POLE2: variants seen among roughly 807,000 people sequenced by gnomAD.
The protein encoded by POLE2 is DNA polymerase epsilon subunit 2.
POLE2 carries 56 observed loss-of-function variants against 79.4 expected under a neutral mutation model. The ratio of observed to expected loss-of-function variants is 0.71; its 90% CI spans 0.57 to 0.88. The LOEUF (loss-of-function observed/expected upper bound fraction) is 0.88, where lower values mean the gene tolerates loss of function less well. Among genes scored for constraint, POLE2 ranks in the 40% least tolerant of loss-of-function variants. The pLI, the probability that POLE2 is intolerant of heterozygous loss-of-function variation, is 0.00. For missense variants in POLE2, 598 were observed against 638.9 expected (o/e 0.94, Z 0.69); for synonymous variants, 212 against 214.0 (o/e 0.99, Z 0.08).
At position 49,652,044 on chromosome 14, in the gene POLE2, T is replaced by C. The variant is rs375092075; in HGVS notation, c.1212-667A>G. Among the ~76,000 whole-genome samples, 32 of 152,204 alleles carry C rather than the reference T, an allele frequency of 2.1e-4. No homozygotes were observed. In the East Asian group the frequency reaches 5.2e-3, roughly 25 times the overall value. On this transcript the variant is annotated intron_variant, in intron 15 of 18. Coordinates refer to ENST00000216367, the MANE Select transcript of POLE2 (RefSeq NM_002692.4). The stretch of plus-strand genomic sequence containing the variant: ...GATTACCACTGCAAGGATACGGCTG[T>C]CACTAAATCACGAGGGGTCCCTTTT...
At chr14:49,680,556 T>C (rs989028308) in intron 2 of POLE2, among the ~76,000 whole-genome samples, 1 of 152,214 alleles carries the variant, frequency 6.6e-6, no homozygotes, top group Non-Finnish European at 1.5e-5. Context: ...GTAAGACTGA[T>C]GTTAAGATGC....
chr14:49,666,264 G>A, intron 7 of POLE2, 66 bp downstream of exon 7: 1 of 801,448 alleles, frequency 1.2e-6, no homozygotes. Flanking sequence ...CTACAAAAAT[G>A]TTCTATGTAA....
At chr14:49,677,367 C>T (rs907746617) in intron 3 of POLE2, 2 of 504,554 alleles carry the variant, frequency 4.0e-6, no homozygotes, top group Non-Finnish European at 7.2e-6. Flanking sequence ...TCAGCTCCTG[C>T]TGGGTATCTA....
Position 49,654,049 on chromosome 14 carries a change from GC to G in POLE2, c.1151del (p.Ser384ThrfsTer36), listed in dbSNP as rs781735915. 2 of 1,602,746 alleles carry G rather than the reference GC, an allele frequency of 1.2e-6. No homozygotes were observed. Among genetic ancestry groups the G allele is most frequent in the African/African-American group, 2.7e-5 (2 of 74,706 alleles). On this transcript the variant is annotated frameshift_variant, in exon 15 of 19. Coordinates refer to ENST00000216367, the MANE Select transcript of POLE2 (RefSeq NM_002692.4). LOFTEE classifies it high-confidence loss of function. ...CCCTTTGTCTGAATTCATTAGTGATGCTTTCAGCAAGTGGTGGCCTATAAAA... is the reference window on the plus strand; with the variant it reads ...CCCTTTGTCTGAATTCATTAGTGATGTTTCAGCAAGTGGTGGCCTATAAAA... ...SILPRPPLAE[S>X]ITNEFRQRVP...
chr14:49,644,324 A>G (rs1278912160), intron 18 of POLE2, among the ~76,000 whole-genome samples: 1 of 151,128 alleles, frequency 6.6e-6, no homozygotes, highest in Non-Finnish European at 1.5e-5. Flanking sequence ...CAGCCTGACC[A>G]ACTTGGAGAA....
chr14:49,648,093 T>C (rs1883919531), intron 17 of POLE2, among the ~76,000 whole-genome samples: 1 of 152,222 alleles, frequency 6.6e-6, no homozygotes, highest in Admixed American at 6.6e-5. Context: ...TGCATTCCTA[T>C]GTACCTGTTT....
At chr14:49,672,177 C>T (rs888713218) in intron 5 of POLE2, among the ~76,000 whole-genome samples, 8 of 152,118 alleles carry the variant, frequency 5.3e-5, no homozygotes, top group South Asian at 2.1e-4. Flanking sequence ...ATTATGACTA[C>T]AGGAAAAGCA....
intron 17 of POLE2, among the ~76,000 whole-genome samples, chr14:49,649,287 G>A (rs1251030950): frequency 6.9e-6 from 1 of 144,494 alleles, no homozygotes; most frequent in Non-Finnish European, 1.5e-5. Context: ...GCTGGGACTA[G>A]AGGCGCCCGC....
intron 10 of POLE2, among the ~76,000 whole-genome samples, chr14:49,657,265 A>G (rs573685781): frequency 2.6e-5 from 4 of 152,296 alleles, no homozygotes; most frequent in East Asian, 3.9e-4. Flanking sequence ...AGTAATAGAA[A>G]ATGTTGATAG....
chr14:49,663,909 C>T (rs945763864), intron 9 of POLE2, among the ~76,000 whole-genome samples: 3 of 151,474 alleles, frequency 2.0e-5, no homozygotes, highest in African/African-American at 4.9e-5. Context: ...TAGTGGCAGG[C>T]GCCTGTAGTC....
intron 6 of POLE2, among the ~76,000 whole-genome samples, 180 bp downstream of exon 6, chr14:49,669,344 G>A (rs1371947287): frequency 1.3e-5 from 2 of 152,202 alleles, no homozygotes; most frequent in African/African-American, 4.8e-5. Flanking sequence ...TTCTGTTAGA[G>A]ATTTGTGGGA....
intron 1 of POLE2, among the ~76,000 whole-genome samples, chr14:49,687,406 A>G (rs1037708628): frequency 5.3e-5 from 8 of 151,928 alleles, no homozygotes; most frequent in Non-Finnish European, 1.0e-4. Flanking sequence ...CATATGTTCT[A>G]TAGGTCCTCA....
chr14:49,677,637 T>G (rs930025527), intron 3 of POLE2: 5 of 664,422 alleles, frequency 7.5e-6, no homozygotes, highest in Non-Finnish European at 7.7e-6. Flanking sequence ...GTCTGGTCCC[T>G]GGGCTGTGTG....
At chr14:49,671,123 G>A (rs1885856606) in intron 5 of POLE2, among the ~76,000 whole-genome samples, 2 of 152,054 alleles carry the variant, frequency 1.3e-5, no homozygotes, top group Non-Finnish European at 2.9e-5. Flanking sequence ...GGCTCAGAAG[G>A]GATAAGTGGC....
chr14:49,665,128 G>T lies in POLE2; in HGVS notation c.612C>A (p.Val204=), dbSNP rs3218791. The T allele has an allele frequency of 0.17, 232,159 of 1,387,356 alleles. 23,607 individuals carry two copies. Among genetic ancestry groups the T allele is most frequent in the African/African-American group, 0.42 (28,834 of 68,134 alleles). The allele number at this position is 1,387,356 out of a possible 1,614,324, so 85.9% of individuals were successfully genotyped here. A position where few individuals can be genotyped will look rare whatever the true frequency, so the allele number is the denominator to read the frequency against. Residue 204 remains valine, a synonymous_variant, in exon 8 of 19, where the codon GTC becomes GTA. Transcript: ENST00000216367. The stretch of plus-strand genomic sequence containing the variant: ...ATATAGCTTTACTAAGGTCTAGTTG[G>T]ACTGTTCCAGTAGGATCTTCCAGAA... ...KFFLEDPTGT[V]QLDLSKAQFH...
In POLE2 at chr14:49,666,362, T is replaced by C; in HGVS notation, c.544A>G (p.Ile182Val). The C allele has an allele frequency of 1.3e-6, 2 of 1,551,762 alleles. No homozygotes were observed. The highest frequency in any genetic ancestry group is 1.7e-6 in the Non-Finnish European group (2 of 1,148,560). Reference protein sequence around the residue: ...LGSTTKIGDAIVLGMITQLKE... With the variant: ...LGSTTKIGDAVVLGMITQLKE... ...AACTGCGTTATCATTCCAAGAACAA[T>C]CGCATCTCCGATTTTGGTTGTACTA... Residue 182 changes from isoleucine to valine, a missense_variant, in exon 7 of 19, where the codon ATT (isoleucine) becomes GTT (valine). Transcript: ENST00000216367.
chr14:49,655,573 T>A (rs1032746784), intron 11 of POLE2, 98 bp downstream of exon 11: 27 of 829,036 alleles, frequency 3.3e-5, no homozygotes, highest in Middle Eastern at 3.5e-4. Context: ...TGTTTTTTTT[T>A]AAATAGAATA....
chr14:49,663,339 G>A lies in POLE2; in HGVS notation c.731C>T (p.Pro244Leu), dbSNP rs2139646065. The A allele has an allele frequency of 6.2e-7, 1 of 1,607,552 alleles. No individual in the cohort carries two copies. The highest frequency in any genetic ancestry group is 8.5e-7 in the Non-Finnish European group (1 of 1,175,374). The change falls in exon 10 of 19, where the codon CCC (proline) becomes CTC (leucine). Residue 244 changes from proline to leucine, a missense_variant. By Grantham distance (98) the Pro-to-Leu change is moderately conservative (BLOSUM62 -3). Coordinates refer to ENST00000216367, the MANE Select transcript of POLE2 (RefSeq NM_002692.4). ...VFHVNAFGFPPTEPSSTTRAY... is the reference protein window; with the variant it reads ...VFHVNAFGFPLTEPSSTTRAY... ...CCTAGTAGTACTAGAGGGCTCAGTG[G>A]GTGGAAATCCAAAGGCATTGACATG...
intron 2 of POLE2, among the ~76,000 whole-genome samples, chr14:49,682,640 GAAAAA>G (rs35984833): frequency 0.074 from 4,537 of 60,974 alleles, 341 homozygotes; most frequent in African/African-American, 0.24. Flanking sequence ...CCTTCTCAGG[GAAAAA>G]AAAAAAAAAA....
Sources: gnomAD v4.1 joint callset for allele counts (sites outside exome capture counted in the v4.1 genomes callset) on GRCh38, gnomAD v4.1.1 for gene constraint, MANE v1.5 for transcripts, NCBI Gene and HGNC (gene_info 2026-07-23, HGNC 2026-07-21) for gene names.